Variants in PLXNB3 observed in about 807,000 individuals in gnomAD.
The protein encoded by PLXNB3 is plexin B3, also known as plexin-B3.
A neutral mutation model predicts 125.7 loss-of-function variants in PLXNB3; 80 were observed. The ratio of observed to expected loss-of-function variants is 0.64; its 90% CI spans 0.53 to 0.77. The LOEUF is 0.77. Among genes scored for constraint, PLXNB3 ranks in the 30% least tolerant of loss-of-function variants. The probability of loss-of-function intolerance (pLI) is 0.00; values close to 1 mark genes in which losing one functional copy is unlikely to be tolerated. For missense variants in PLXNB3, 1,836 were observed against 1,729.3 expected (o/e 1.06, Z -1.09); for synonymous variants, 954 against 783.3 (o/e 1.22, Z -3.64).
intron 6 of PLXNB3, 29 bp downstream of exon 6, chrX:153,769,291 G>A (rs2091895889): frequency 9.2e-7 from 1 of 1,083,883 alleles, no homozygotes; most frequent in Non-Finnish European, 1.2e-6. Flanking sequence ...CCTAGGCTAG[G>A]GCCAACGGGT....
intron 16 of PLXNB3, chrX:153,772,622 TG>T: frequency 1.2e-6 from 1 of 857,093 alleles, no homozygotes; most frequent in Non-Finnish European, 1.5e-6. Flanking sequence ...TAAGCTGTGG[TG>T]GGGAGGAGGC....
rs1423421078 is a variant in PLXNB3, at chrX:153,771,867, G to A, written c.2521G>A (p.Glu841Lys). Residue 841 changes from glutamate to lysine, a missense_variant, in exon 15 of 36, where the codon GAG (glutamate) becomes AAG (lysine). Glu to Lys is a moderately conservative substitution (Grantham distance 56). Coordinates refer to ENST00000361971, the MANE Select transcript of PLXNB3 (RefSeq NM_005393.3). Reference protein sequence around the residue: ...LCPAPSIDAVEPLTGPPEGGL... With the variant: ...LCPAPSIDAVKPLTGPPEGGL... ...TGCCATCATTTGCCTGCTGCAGGTC[G>A]AGCCCCTGACCGGTCCCCCTGAGGG... is the stretch of plus-strand genomic sequence containing the variant. 1.2e-5 allele frequency: 15 copies of A among 1,206,454 alleles called. No individual in the cohort carries two copies. Among genetic ancestry groups the A allele is most frequent in the African/African-American group, 3.5e-5 (2 of 57,569 alleles).
Position 153,775,417 on chromosome X carries a change from T to C in PLXNB3, c.4334+14T>C. 3.3e-6 allele frequency: 4 copies of C among 1,199,468 alleles called. No individual in the cohort carries two copies. Among genetic ancestry groups the C allele is most frequent in the East Asian group, 3.0e-5 (1 of 33,725 alleles). ...CATGCTACGCAGGTTGGCCTTGACC[T>C]GGACCCGGTGGCGGGGGTGAGGGCT... is the stretch of plus-strand genomic sequence containing the variant. On this transcript the variant is annotated intron_variant, in intron 25 of 35. Transcript: ENST00000361971.
rs1443804810 is a variant in PLXNB3 at position 153,767,740 on chromosome X, G to C, written c.913G>C (p.Ala305Pro). Residue 305 changes from alanine to proline, a missense_variant, in exon 3 of 36, where the codon GCG becomes CCG. By Grantham distance (27) the Ala-to-Pro change is conservative. Coordinates refer to ENST00000361971, the MANE Select transcript of PLXNB3 (RefSeq NM_005393.3). ...APGTLLGVFA[A>P]GPRGTQAALC... ...GGGCACCTTGCTAGGGGTGTTTGCC[G>C]CGGGCCCAAGGGGCACCCAGGCGGC... 1 of 1,172,571 alleles carries C rather than the reference G, an allele frequency of 8.5e-7. No individual in the cohort carries two copies. The highest frequency in any genetic ancestry group is 1.1e-6 in the Non-Finnish European group (1 of 875,986).
intron 34 of PLXNB3, 32 bp downstream of exon 34, chrX:153,778,503 A>G (rs374200544): frequency 8.4e-7 from 1 of 1,196,655 alleles, no homozygotes; most frequent in African/African-American, 1.8e-5. Context: ...GCGCCTGTCC[A>G]CACGTGGGTG....
At chrX:153,772,119 G>A (rs1376517076) in intron 15 of PLXNB3, 63 bp from the exon 16 acceptor site, 7 of 864,845 alleles carry the variant, frequency 8.1e-6, no homozygotes, top group Non-Finnish European at 8.5e-6. Context: ...TCGGGTCAGG[G>A]GAGGGGTGGG....
rs1055646249 is a variant in PLXNB3, at chrX:153,770,131, G to A, written c.1669G>A (p.Asp557Asn). The A allele has an allele frequency of 2.5e-6, 3 of 1,211,661 alleles. No individual in the cohort carries two copies. The highest frequency in any genetic ancestry group is 3.3e-6 in the Non-Finnish European group (3 of 895,525). Residue 557 changes from aspartate (D) to asparagine (N), a missense_variant, in exon 8 of 36, where the codon GAT becomes AAT. Transcript: ENST00000361971. ...CCCCCGGCTGCCCATCCTGGATGCA[G>A]ATGAATACTTCCATTGTGCGTTCGG... ...SVPRLPILDA[D>N]EYFHCAFGDY...
rs1557064062 is a variant in PLXNB3, at chrX:153,776,109, G to T, written c.4624G>T (p.Val1542Leu). The change falls in exon 27 of 36, where the codon GTG becomes TTG. Residue 1542 changes from valine to leucine, a missense_variant. Physicochemically the swap from Val to Leu is conservative, Grantham distance 32. Coordinates refer to ENST00000361971, the MANE Select transcript of PLXNB3 (RefSeq NM_005393.3). The stretch of plus-strand genomic sequence containing the variant: ...CGAGATGCAGCGCGTGCCAGCCCGG[G>T]TGCTCGACACGGACACCATCACCCA... ...SSEMQRVPAR[V>L]LDTDTITQVK... The T allele has an allele frequency of 1.7e-6, 2 of 1,201,295 alleles. No individual in the cohort carries two copies. Among genetic ancestry groups the T allele is most frequent in the African/African-American group, 1.8e-5 (1 of 56,934 alleles).
rs782357482 is a variant in PLXNB3, at chrX:153,769,828, C to T, written c.1518C>T (p.Cys506=). The T allele has an allele frequency of 3.3e-5, 40 of 1,202,237 alleles. No individual in the cohort carries two copies. The South Asian group carries it at 4.1e-4, about 12-fold the overall frequency. The change falls in exon 7 of 36, where the codon TGC becomes TGT. Residue 506 remains cysteine (C), a synonymous_variant. Transcript: ENST00000361971. ...LQGRCTRKGQ[C]GRAGQLNQWL... ...GCAGGTGTACCCGGAAGGGCCAGTG[C>T]GGGCGGGCAGGCCAGCTGAACCAGT...
rs2091929718 is a variant in PLXNB3, at chrX:153,771,490, C to T, written c.2352C>T (p.Ile784=). ...ACACTGCCTGACCCTCCCTAGTGAT[C>T]CTGTACGACTGCGCCATGGGCCACC... ...RLDNTHALYV[I]LYDCAMGHPD... The change falls in exon 14 of 36, where the codon ATC becomes ATT. Residue 784 remains isoleucine, a synonymous_variant. Transcript: ENST00000361971. 25 of 1,204,680 alleles carry T rather than the reference C, an allele frequency of 2.1e-5. No individual in the cohort carries two copies. Among genetic ancestry groups the T allele is most frequent in the Non-Finnish European group, 2.5e-5 (22 of 891,277 alleles).
rs782564816 is a variant in PLXNB3 at position 153,772,874 on chromosome X, G to A, written c.2776-12G>A. On this transcript the variant is annotated splice_polypyrimidine_tract_variant and intron_variant, in intron 16 of 35. Transcript: ENST00000361971. ...GGGCTGCCGTGCCTACCCAGCCTGC[G>A]CTGTTCGCCAGGACCCTGTCCTGCT... The A allele has an allele frequency of 7.5e-5, 83 of 1,112,414 alleles. No homozygotes were observed. The highest frequency in any genetic ancestry group is 1.0e-4 in the Admixed American group (3 of 28,668). 91.7% of individuals were successfully genotyped at this position (1,112,414 alleles called of 1,213,427 possible).
At position 153,767,700 on chromosome X, in the gene PLXNB3, C is replaced by T. The variant is rs368015312; in HGVS notation, c.873C>T (p.Ala291=). 16 of 1,182,630 alleles carry T rather than the reference C, an allele frequency of 1.4e-5. No individual in the cohort carries two copies. The highest frequency in any genetic ancestry group is 9.4e-5 in the East Asian group (3 of 31,794). The change falls in exon 3 of 36, where the codon GCC becomes GCT. Residue 291 remains alanine, a synonymous_variant. Transcript: ENST00000361971. The part of the protein sequence containing the change: ...LACQGQGLIQ[A]AFLAPGTLLG... ...GCCAGGGCCAGGGCCTCATCCAGGC[C>T]GCCTTCCTTGCCCCGGGCACCTTGC... is the stretch of plus-strand genomic sequence containing the variant.
At position 153,770,895 on chromosome X, in the gene PLXNB3, G is replaced by A. The variant is rs946247167; in HGVS notation, c.2136+12G>A. ...TTCAACATTTCCGAGTGAGCCATCA[G>A]GAGGGAAGGGGACAGGGCAGTGAGG... On this transcript the variant is annotated intron_variant, in intron 11 of 35. Coordinates refer to ENST00000361971, the MANE Select transcript of PLXNB3 (RefSeq NM_005393.3). 1 of 1,204,433 alleles carries A rather than the reference G, an allele frequency of 8.3e-7. No individual in the cohort carries two copies. The highest frequency in any genetic ancestry group is 1.1e-6 in the Non-Finnish European group (1 of 890,471).
At chrX:153,772,646 G>T (rs2266884) in intron 16 of PLXNB3, 3 of 958,732 alleles carry the variant, frequency 3.1e-6, no homozygotes, top group Non-Finnish European at 4.0e-6. Flanking sequence ...TCCCAAGGGG[G>T]ACAGAGTGGC....
chrX:153,772,981 C>T lies in PLXNB3; in HGVS notation c.2871C>T (p.Asn957=), dbSNP rs147874559. The T allele has an allele frequency of 8.3e-7, 1 of 1,198,357 alleles. No homozygotes were observed. The highest frequency in any genetic ancestry group is 1.1e-6 in the Non-Finnish European group (1 of 890,446). ...IRGQHLQTGG[N]TSAFVGGQPC... is the part of the protein sequence containing the mutation. ...GTCAGCACCTCCAGACAGGTGGCAA[C>T]ACCAGTGCCTTCGTGGGTGGCCAAC... Residue 957 remains asparagine, a synonymous_variant, in exon 17 of 36, where the codon AAC becomes AAT. Transcript: ENST00000361971.
chrX:153,771,326 C>T lies in PLXNB3; in HGVS notation c.2270C>T (p.Ser757Phe). The T allele has an allele frequency of 8.3e-7, 1 of 1,208,835 alleles. No individual in the cohort carries two copies. Among genetic ancestry groups the T allele is most frequent in the Non-Finnish European group, 1.1e-6 (1 of 892,997 alleles). Residue 757 changes from serine (S) to phenylalanine (F), a missense_variant, in exon 13 of 36, where the codon TCC (serine) becomes TTC (phenylalanine). Ser to Phe is a radical substitution (Grantham distance 155). Transcript: ENST00000361971. ...TGCCCACAGTTTTATCCCTCCATGTCCCAGCGGGAGCTCCCAGTGCCCATC... is the reference window on the plus strand; with the variant it reads ...TGCCCACAGTTTTATCCCTCCATGTTCCAGCGGGAGCTCCCAGTGCCCATC... ...CQAHQFYPSM[S>F]QRELPVPIYV...
rs201509597 is a variant in PLXNB3 at position 153,774,956 on chromosome X, C to T, written c.4008C>T (p.Tyr1336=). 1.8e-4 allele frequency: 215 copies of T among 1,190,940 alleles called. No homozygotes were observed. The highest frequency in any genetic ancestry group is 9.8e-4 in the East Asian group (33 of 33,570). ...SGIPFLDYRT[Y]AERAFFPGHG... Reference sequence around the variant, plus strand: ...TCCCCTTCCTGGACTACCGCACCTACGCCGAGCGCGCCTTCTTCCCTGGCC... The same window carrying T: ...TCCCCTTCCTGGACTACCGCACCTATGCCGAGCGCGCCTTCTTCCCTGGCC... The change falls in exon 24 of 36, where the codon TAC becomes TAT. Residue 1336 remains tyrosine (Y), a synonymous_variant. Transcript: ENST00000361971.
At position 153,773,941 on chromosome X, in the gene PLXNB3, G is replaced by A. The variant is rs1196319451; in HGVS notation, c.3362G>A (p.Arg1121Gln). The A allele has an allele frequency of 2.5e-5, 30 of 1,209,953 alleles. No individual in the cohort carries two copies. The highest frequency in any genetic ancestry group is 3.5e-5 in the South Asian group (2 of 56,962). Residue 1121 changes from arginine (R) to glutamine (Q), a missense_variant, in exon 20 of 36, where the codon CGG (arginine) becomes CAG (glutamine). Physicochemically the swap from Arg to Gln is conservative, Grantham distance 43. Transcript: ENST00000361971. ...PAVPDRAHPQ[R>Q]VFFTLDNVQV... The stretch of plus-strand genomic sequence containing the variant: ...GTACCAGACAGAGCCCACCCGCAGC[G>A]GGTCTTCTTCACCCTAGACAACGTG...
In PLXNB3 at chrX:153,771,084, G is replaced by A. The variant is rs782700326; in HGVS notation, c.2253+3G>A. 2 of 1,192,159 alleles carry A rather than the reference G, an allele frequency of 1.7e-6. No homozygotes were observed. The highest frequency in any genetic ancestry group is 3.5e-5 in the South Asian group (2 of 56,371). On this transcript the variant is annotated splice_donor_region_variant and intron_variant, in intron 12 of 35. Coordinates refer to ENST00000361971, the MANE Select transcript of PLXNB3 (RefSeq NM_005393.3). ...TCATCCACTGCCAGGCCCACCAGGTGAGTGGCTGCCTTCCAAACCCTCTTG... is the reference window on the plus strand; with the variant it reads ...TCATCCACTGCCAGGCCCACCAGGTAAGTGGCTGCCTTCCAAACCCTCTTG...
Sources: allele counts gnomAD v4.1 joint callset, GRCh38; gene constraint gnomAD v4.1.1; transcripts MANE v1.5; gene names NCBI Gene and HGNC (gene_info 2026-07-23, HGNC 2026-07-21).